GTF2IRD1: variants seen among roughly 807,000 people sequenced by gnomAD.
GTF2IRD1 encodes general transcription factor II-I repeat domain-containing protein 1.
Under a neutral mutation model 113.2 loss-of-function variants are expected in GTF2IRD1, and 26 were observed. The observed-to-expected ratio is 0.23, with a 90% CI of 0.17 to 0.32. The LOEUF is 0.32. GTF2IRD1 is among the 10% of genes least tolerant of loss of function. The pLI is 1.00. For missense variants in GTF2IRD1, 864 were observed against 1,280.8 expected, an observed-to-expected ratio of 0.67 and a Z score of 4.97; for synonymous variants, 484 against 529.1, an observed-to-expected ratio of 0.91 and a Z score of 1.17.
intron 1 of GTF2IRD1, among the ~76,000 whole-genome samples, chr7:74,485,956 T>C (rs1178721269): frequency 6.6e-6 from 1 of 150,756 alleles, no homozygotes; most frequent in Non-Finnish European, 1.5e-5. Flanking sequence ...GAAAAGAAAA[T>C]GCCTCCCATG....
rs2284258 is a variant in GTF2IRD1 at position 74,515,253 on chromosome 7, G to T, written c.266-188G>T. 24,764 of 1,233,484 alleles carry T rather than the reference G, an allele frequency of 0.02. 3,387 individuals are homozygous for T. In the East Asian group the frequency reaches 0.38, roughly 19 times the overall value. 76.4% of individuals were successfully genotyped at this position (1,233,484 alleles called of 1,614,324 possible). The stretch of plus-strand genomic sequence containing the variant: ...AGCCCTGGGAACTCTGAGATGACCA[G>T]CCCTGGCCCTCAGTGGGGTGGTTGG... On this transcript the variant is annotated intron_variant, in intron 3 of 26. Coordinates refer to ENST00000424337, the MANE Select transcript of GTF2IRD1 (RefSeq NM_005685.4).
chr7:74,560,834 G>A (rs1167068130), intron 22 of GTF2IRD1, among the ~76,000 whole-genome samples: 1 of 151,876 alleles, frequency 6.6e-6, no homozygotes, highest in African/African-American at 2.4e-5. Flanking sequence ...TCCTGCCTCA[G>A]CCTCCCAAAG....
In GTF2IRD1 at chr7:74,577,920, G is replaced by T. The variant is rs587752535; in HGVS notation, c.2321-11931G>T. On this transcript the variant is annotated intron_variant, in intron 22 of 26. Transcript: ENST00000424337. ...ACTCCTGGGCTCAAACAATCCTCCCGCATCAGCCTCCCAAGTAGCTGGGAC... is the reference window on the plus strand; with the variant it reads ...ACTCCTGGGCTCAAACAATCCTCCCTCATCAGCCTCCCAAGTAGCTGGGAC... 2.6e-5 allele frequency among the ~76,000 whole-genome samples: 4 copies of T among 152,116 alleles called. No homozygotes were observed. In the South Asian group the frequency reaches 8.3e-4, roughly 32 times the overall value.
chr7:74,534,089 G>T (rs1554349609), intron 9 of GTF2IRD1, among the ~76,000 whole-genome samples: 2 of 151,974 alleles, frequency 1.3e-5, no homozygotes, highest in Non-Finnish European at 2.9e-5. Flanking sequence ...TGGCAGCTCT[G>T]CTCTGTGCCG....
At position 74,535,770 on chromosome 7, in the gene GTF2IRD1, G is replaced by A. The variant is rs587626552; in HGVS notation, c.1301-397G>A. On this transcript the variant is annotated intron_variant, in intron 10 of 26. Transcript: ENST00000424337. Reference sequence around the variant, plus strand: ...ACGTCTGTGAGATGAGGATAAGGGCGCCTTCCTCTGGGCTCCTGGCACGAT... The same window carrying A: ...ACGTCTGTGAGATGAGGATAAGGGCACCTTCCTCTGGGCTCCTGGCACGAT... Among the ~76,000 whole-genome samples, 11 of 152,304 alleles carry A rather than the reference G, an allele frequency of 7.2e-5. No homozygotes were observed. The East Asian group carries it at 1.9e-3, about 27-fold the overall frequency.
At chr7:74,511,731 C>G in intron 2 of GTF2IRD1, among the ~76,000 whole-genome samples, 1 of 152,260 alleles carries the variant, frequency 6.6e-6, no homozygotes, top group East Asian at 1.9e-4. Context: ...GGAAGCCAGA[C>G]TTTATAGCTG....
chr7:74,541,002 G>T (rs2130607095), intron 14 of GTF2IRD1, among the ~76,000 whole-genome samples: 1 of 150,888 alleles, frequency 6.6e-6, no homozygotes, highest in Middle Eastern at 3.4e-3. Flanking sequence ...GACCTCAAAT[G>T]ATCCTCCTGC....
At chr7:74,537,462 A>G (rs1445611946) in intron 11 of GTF2IRD1, among the ~76,000 whole-genome samples, 7 of 151,916 alleles carry the variant, frequency 4.6e-5, no homozygotes, top group Admixed American at 4.6e-4. Context: ...TACCTACTAC[A>G]TGCATACATA....
rs587745196 is a variant in GTF2IRD1 at position 74,559,131 on chromosome 7, C to T, written c.2291+87C>T. The T allele has an allele frequency of 1.8e-5, 22 of 1,225,130 alleles. No individual in the cohort carries two copies. In the South Asian group the frequency reaches 2.8e-4, roughly 16 times the overall value. The allele number at this position is 1,225,130 out of a possible 1,614,324, so 75.9% of individuals were successfully genotyped here. A position where few individuals can be genotyped will look rare whatever the true frequency, so the allele number is the denominator to read the frequency against. ...GCGAATCCTTAGCCTTTCCCTAGGTCCTGCCCTCCCCCCTGGACAAGGTGG... is the reference window on the plus strand; with the variant it reads ...GCGAATCCTTAGCCTTTCCCTAGGTTCTGCCCTCCCCCCTGGACAAGGTGG... On this transcript the variant is annotated intron_variant, in intron 21 of 26. Coordinates refer to ENST00000424337, the MANE Select transcript of GTF2IRD1 (RefSeq NM_005685.4).
At chr7:74,533,799 T>A (rs1261218414) in intron 9 of GTF2IRD1, among the ~76,000 whole-genome samples, 4 of 152,110 alleles carry the variant, frequency 2.6e-5, no homozygotes, top group Non-Finnish European at 4.4e-5. Context: ...TCTGGGAGGC[T>A]GAGGCAGGAG....
chr7:74,461,312 CAG>C (rs1793350660), intron 1 of GTF2IRD1, among the ~76,000 whole-genome samples: 1 of 152,124 alleles, frequency 6.6e-6, no homozygotes, highest in African/African-American at 2.4e-5. Flanking sequence ...TTCCCTGTGA[CAG>C]AGGGGAGACC....
chr7:74,537,274 G>A (rs1583825824), intron 11 of GTF2IRD1, among the ~76,000 whole-genome samples: 3 of 152,006 alleles, frequency 2.0e-5, no homozygotes, highest in South Asian at 2.1e-4. Flanking sequence ...TTAGCCAGGC[G>A]CAGCGGCGCA....
intron 1 of GTF2IRD1, among the ~76,000 whole-genome samples, chr7:74,494,407 G>T (rs1795539408): frequency 6.6e-6 from 1 of 152,238 alleles, no homozygotes; most frequent in South Asian, 2.1e-4. Context: ...CCTCAGGATA[G>T]TCGGGCTTCC....
chr7:74,468,869 G>A (rs1554331637), intron 1 of GTF2IRD1, among the ~76,000 whole-genome samples: 1 of 151,982 alleles, frequency 6.6e-6, no homozygotes, highest in African/African-American at 2.4e-5. Flanking sequence ...CAGATCATGA[G>A]GTCAGGAGAG....
At position 74,601,404 on chromosome 7, in the gene GTF2IRD1, C is replaced by T. The variant is rs2131094736; in HGVS notation, c.2766+224C>T. 16 of 1,492,444 alleles carry T rather than the reference C, an allele frequency of 1.1e-5. No homozygotes were observed. The South Asian group carries it at 1.8e-4, about 17-fold the overall frequency. 92.5% of individuals were successfully genotyped at this position (1,492,444 alleles called of 1,614,324 possible). A position where few individuals can be genotyped will look rare whatever the true frequency, so the allele number is the denominator to read the frequency against. On this transcript the variant is annotated intron_variant, in intron 26 of 26. Transcript: ENST00000424337. Reference sequence around the variant, plus strand: ...TCACAGGCACTCAGGCAGGAATTCACATCCTCGCTGGGCAGATGGGCCGGC... The same window carrying T: ...TCACAGGCACTCAGGCAGGAATTCATATCCTCGCTGGGCAGATGGGCCGGC...
chr7:74,563,181 T>C (rs1373938185), intron 22 of GTF2IRD1, among the ~76,000 whole-genome samples: 2 of 143,560 alleles, frequency 1.4e-5, no homozygotes, highest in South Asian at 2.3e-4. Flanking sequence ...GGTGCAAAGA[T>C]GGGAGAGTGG....
chr7:74,583,200 T>G (rs1425551801), intron 22 of GTF2IRD1, among the ~76,000 whole-genome samples: 2 of 151,916 alleles, frequency 1.3e-5, no homozygotes, highest in Non-Finnish European at 2.9e-5. Context: ...TGTTTGGTTG[T>G]TTGTTTGAAA....
At chr7:74,517,062 T>C (rs2355320) in intron 4 of GTF2IRD1, among the ~76,000 whole-genome samples, 10,500 of 151,878 alleles carry the variant, frequency 0.069, 1,126 homozygotes, top group African/African-American at 0.23. Flanking sequence ...TTCACTCTGT[T>C]GCCCAGGCTG....
intron 1 of GTF2IRD1, among the ~76,000 whole-genome samples, chr7:74,492,581 C>CT (rs1423444862): frequency 5.3e-5 from 8 of 152,102 alleles, no homozygotes; most frequent in Non-Finnish European, 1.2e-4. Context: ...TTGATTGAGT[C>CT]TTTTTTCATA....
Sources: allele counts gnomAD v4.1 joint callset (sites outside exome capture counted in the v4.1 genomes callset), GRCh38; gene constraint gnomAD v4.1.1; transcripts MANE v1.5; gene names NCBI Gene and HGNC (gene_info 2026-07-23, HGNC 2026-07-21).